BLOC1S2: variants seen among roughly 807,000 people sequenced by gnomAD.
The protein encoded by BLOC1S2 is biogenesis of lysosomal organelles complex 1 subunit 2.
Under a neutral mutation model 19.6 loss-of-function variants are expected in BLOC1S2, and 12 were observed. That is an observed-to-expected ratio of 0.61 (90% confidence interval 0.39 to 0.99). The LOEUF (loss-of-function observed/expected upper bound fraction) is 0.99. Ranked by LOEUF, BLOC1S2 falls within the 50% of genes least tolerant of loss-of-function variation. The probability of loss-of-function intolerance (pLI) is 0.00; values close to 1 mark genes in which losing one functional copy is unlikely to be tolerated. For synonymous variants in BLOC1S2, 66 were observed against 64.1 expected (o/e 1.03, Z -0.14); for missense variants, 142 against 171.0 (o/e 0.83, Z 0.95).
chr10:100,286,371 T>A (rs1848239883), intron 1 of BLOC1S2, 158 bp from the exon 2 acceptor site: 2 of 1,457,774 alleles, frequency 1.4e-6, no homozygotes, highest in Non-Finnish European at 1.8e-6. Flanking sequence ...TCCCTGCCCA[T>A]CTGACACATC....
intron 4 of BLOC1S2, among the ~76,000 whole-genome samples, chr10:100,278,587 T>TCTTA (rs1848010514): frequency 6.6e-6 from 1 of 152,142 alleles, no homozygotes; most frequent in Non-Finnish European, 1.5e-5. Flanking sequence ...GTTAAATGGA[T>TCTTA]TAAGGGCGGT....
In BLOC1S2 at chr10:100,275,429, A is replaced by G; in HGVS notation, c.*33T>C. 1.9e-6 allele frequency: 3 copies of G among 1,569,140 alleles called. No homozygotes were observed. Among genetic ancestry groups the G allele is most frequent in the Non-Finnish European group, 2.6e-6 (3 of 1,159,202 alleles). On this transcript the variant is annotated 3_prime_UTR_variant, in exon 5 of 5. Transcript: ENST00000370372. ...TTATAAGACATTCTTCCACATTAAA[A>G]AAAAAAGACTCTGTCCCATAGAAAT...
In BLOC1S2 at chr10:100,278,208, T is replaced by TG. The variant is rs1226104979; in HGVS notation, c.397+1915dup. On this transcript the variant is annotated intron_variant, in intron 4 of 4. Transcript: ENST00000370372. Reference sequence around the variant, plus strand: ...CCAGCCGCCCCGTCCGGGAGGGAGGTGGGGGGGTCAGCCCCCCGCCTGGCC... The same window carrying TG: ...CCAGCCGCCCCGTCCGGGAGGGAGGTGGGGGGGGTCAGCCCCCCGCCTGGCC... Among the ~76,000 whole-genome samples, 26 of 139,792 alleles carry TG rather than the reference T, an allele frequency of 1.9e-4. No homozygotes were observed. The South Asian group carries it at 2.1e-3, about 11-fold the overall frequency. 91.7% of individuals were successfully genotyped at this position (139,792 alleles called of 152,430 possible).
rs143606335 is a variant in BLOC1S2, at chr10:100,274,868, T to C, written c.*594A>G. ...AGAGGGGCCCATCACATACGCCAAG[T>C]TATCAATACTCCTTTCACCATTTCT... On this transcript the variant is annotated 3_prime_UTR_variant, in exon 5 of 5. Coordinates refer to ENST00000370372, the MANE Select transcript of BLOC1S2 (RefSeq NM_173809.5). The C allele has an allele frequency of 2.8e-4, 110 of 398,066 alleles. 1 individual carries two copies. In the East Asian group the frequency reaches 3.9e-3, roughly 14 times the overall value. 24.7% of individuals were successfully genotyped at this position (398,066 alleles called of 1,614,324 possible).
At chr10:100,279,757 C>T (rs1287917401) in intron 4 of BLOC1S2, among the ~76,000 whole-genome samples, 1 of 152,120 alleles carries the variant, frequency 6.6e-6, no homozygotes, top group Non-Finnish European at 1.5e-5. Context: ...CGCCTGTAAT[C>T]CCAGCTACTC....
intron 2 of BLOC1S2, among the ~76,000 whole-genome samples, chr10:100,283,736 G>A (rs1036251823): frequency 6.6e-6 from 1 of 152,242 alleles, no homozygotes; most frequent in African/African-American, 2.4e-5. Flanking sequence ...TTAGCCAGGC[G>A]TGGTGGCGTG....
intron 4 of BLOC1S2, 141 bp downstream of exon 4, chr10:100,279,983 A>G (rs1220993584): frequency 2.2e-6 from 1 of 448,294 alleles, no homozygotes; most frequent in African/African-American, 2.0e-5. Flanking sequence ...ATTTTTATTA[A>G]TATAATAATA....
chr10:100,281,773 G>GTAA (rs1848117046), intron 2 of BLOC1S2, among the ~76,000 whole-genome samples: 2 of 148,532 alleles, frequency 1.3e-5, no homozygotes. Context: ...CTACTTCTTA[G>GTAA]TAACTCGTTT....
In BLOC1S2 at chr10:100,273,565, T is replaced by C. The variant is rs567184448; in HGVS notation, c.*1897A>G. 1 of 152,286 alleles carries C rather than the reference T, an allele frequency of 6.6e-6. No individual in the cohort carries two copies. The highest frequency in any genetic ancestry group is 2.1e-4 in the South Asian group (1 of 4,828). 9.4% of individuals were successfully genotyped at this position (152,286 alleles called of 1,614,324 possible). A position where few individuals can be genotyped will look rare whatever the true frequency, so the allele number is the denominator to read the frequency against. The stretch of plus-strand genomic sequence containing the variant: ...AATAGATCAACATGGCTGGGTGCGG[T>C]GGCTCACACCTGTAATCCCAGCACT... On this transcript the variant is annotated 3_prime_UTR_variant, in exon 5 of 5. Coordinates refer to ENST00000370372, the MANE Select transcript of BLOC1S2 (RefSeq NM_173809.5).
chr10:100,276,941 G>A (rs1406930187), intron 4 of BLOC1S2, among the ~76,000 whole-genome samples: 1 of 152,178 alleles, frequency 6.6e-6, no homozygotes, highest in African/African-American at 2.4e-5. Context: ...TGGGAAGTGA[G>A]GAGTGTCTCT....
At chr10:100,275,858 C>T (rs1847836069) in intron 4 of BLOC1S2, among the ~76,000 whole-genome samples, 1 of 152,166 alleles carries the variant, frequency 6.6e-6, no homozygotes, top group African/African-American at 2.4e-5. Context: ...AGACTGGAAC[C>T]CTCAGGAAGT....
At chr10:100,285,419 G>A (rs529288001) in intron 2 of BLOC1S2, among the ~76,000 whole-genome samples, 32 of 152,178 alleles carry the variant, frequency 2.1e-4, no homozygotes, top group African/African-American at 7.5e-4. Flanking sequence ...CCGCCACCAC[G>A]GCCGGCTAAT....
chr10:100,286,588 C>T lies in BLOC1S2; in HGVS notation c.55+17G>A. 6.2e-7 allele frequency: 1 copy of T among 1,612,868 alleles called. No homozygotes were observed. Among genetic ancestry groups the T allele is most frequent in the Non-Finnish European group, 8.5e-7 (1 of 1,179,270 alleles). ...AGGCCCCCCACCGGACGCTTCCTCC[C>T]CATCCATTCCGGGTACCTCGGGCGG... On this transcript the variant is annotated intron_variant, in intron 1 of 4. Transcript: ENST00000370372.
In BLOC1S2 at chr10:100,286,642, C is replaced by G; in HGVS notation, c.18G>C (p.Glu6Asp). 6.2e-7 allele frequency: 1 copy of G among 1,610,082 alleles called. No homozygotes were observed. Among genetic ancestry groups the G allele is most frequent in the Non-Finnish European group, 8.5e-7 (1 of 1,178,430 alleles). Residue 6 changes from glutamate (E) to aspartate (D), a missense_variant, in exon 1 of 5, where the codon GAG becomes GAC. By Grantham distance (45) the Glu-to-Asp change is conservative. Around this residue, in one of 2 missense-constraint regions of BLOC1S2, gnomAD observed 48 missense variants for 29.7 expected, o/e 1.61. Transcript: ENST00000370372. MAAAA[E>D]GVLATRSDEP... Reference sequence around the variant, plus strand: ...CATCACTCCGGGTCGCCAGTACGCCCTCGGCTGCCGCCGCCATAGCGGACC... The same window carrying G: ...CATCACTCCGGGTCGCCAGTACGCCGTCGGCTGCCGCCGCCATAGCGGACC...
chr10:100,279,378 T>C (rs1225973301), intron 4 of BLOC1S2, among the ~76,000 whole-genome samples: 1 of 152,216 alleles, frequency 6.6e-6, no homozygotes, highest in African/African-American at 2.4e-5. Flanking sequence ...ACTGGCTTAG[T>C]GTCCTTAAGC....
chr10:100,282,280 T>C (rs1454615939), intron 2 of BLOC1S2, among the ~76,000 whole-genome samples: 1 of 152,198 alleles, frequency 6.6e-6, no homozygotes, highest in Non-Finnish European at 1.5e-5. Context: ...CTAAACAATT[T>C]GAAAAAGTAG....
chr10:100,277,241 G>C (rs1468654762), intron 4 of BLOC1S2, among the ~76,000 whole-genome samples: 1 of 150,566 alleles, frequency 6.6e-6, no homozygotes, highest in African/African-American at 2.5e-5. Context: ...CGCCCCGTCT[G>C]AGAAGTGAGG....
chr10:100,280,838 A>G, intron 3 of BLOC1S2, 96 bp downstream of exon 3: 1 of 1,403,902 alleles, frequency 7.1e-7, no homozygotes, highest in South Asian at 1.6e-5. Flanking sequence ...AAGCTCCCAC[A>G]AGACAAGGAT....
intron 2 of BLOC1S2, among the ~76,000 whole-genome samples, chr10:100,285,242 T>C (rs1848203778): frequency 6.6e-6 from 1 of 152,106 alleles, no homozygotes; most frequent in African/African-American, 2.4e-5. Context: ...TCACTTTCTT[T>C]CTTTTTCTTT....
Sources: gnomAD v4.1 joint callset for allele counts (sites outside exome capture counted in the v4.1 genomes callset) on GRCh38, gnomAD v4.1.1 for gene constraint, gnomAD v4.1.1 regional missense constraint, MANE v1.5 for transcripts, NCBI Gene and HGNC (gene_info 2026-07-23, HGNC 2026-07-21) for gene names.